Variants in POU6F2 observed in about 807,000 individuals in gnomAD.
POU6F2 encodes the protein POU class 6 homeobox 2.
Under a neutral mutation model 71.3 loss-of-function variants are expected in POU6F2, and 31 were observed. The ratio of observed to expected loss-of-function variants is 0.43; its 90% CI spans 0.33 to 0.59. POU6F2 has a LOEUF of 0.59. Among genes scored for constraint, POU6F2 ranks in the 20% least tolerant of loss-of-function variants. POU6F2 has a pLI of 0.04. For synonymous variants in POU6F2, 347 were observed against 355.7 expected (o/e 0.98, Z 0.27); for missense variants, 783 against 856.8 (o/e 0.91, Z 1.07).
chr7:39,238,408 C>T (rs537840132), intron 4 of POU6F2, among the ~76,000 whole-genome samples: 24 of 152,184 alleles, frequency 1.6e-4, no homozygotes, highest in African/African-American at 5.5e-4. Flanking sequence ...AGTCTGCCGG[C>T]GGAATCTCAT....
At chr7:39,052,003 C>T (rs548625677) in intron 1 of POU6F2, among the ~76,000 whole-genome samples, 9 of 152,242 alleles carry the variant, frequency 5.9e-5, no homozygotes, top group Non-Finnish European at 1.3e-4. Context: ...TGGCTAGGCC[C>T]TCTTCTACCG....
chr7:39,268,812 G>A (rs1222563024), intron 4 of POU6F2, among the ~76,000 whole-genome samples: 1 of 152,112 alleles, frequency 6.6e-6, no homozygotes, highest in African/African-American at 2.4e-5. Context: ...ATCAGGAGAG[G>A]GCTAAATTTT....
intron 2 of POU6F2, among the ~76,000 whole-genome samples, chr7:39,165,199 G>A (rs1793087842): frequency 1.3e-5 from 2 of 152,042 alleles, no homozygotes; most frequent in South Asian, 4.2e-4. Flanking sequence ...ACTCCCCCCA[G>A]CCCCTCATAA....
intron 2 of POU6F2, among the ~76,000 whole-genome samples, chr7:39,100,074 AAGTT>A (rs1457716220): frequency 6.6e-6 from 1 of 152,234 alleles, no homozygotes. Context: ...TTCTCTCAAA[AAGTT>A]AGTTATGTGT....
At chr7:39,440,321 G>A (rs1040266273) in intron 7 of POU6F2, among the ~76,000 whole-genome samples, 1 of 152,170 alleles carries the variant, frequency 6.6e-6, no homozygotes, top group South Asian at 2.1e-4. Flanking sequence ...TGGTACTCCA[G>A]TCAATCATAG....
chr7:39,024,301 C>T (rs570410425), intron 1 of POU6F2, among the ~76,000 whole-genome samples: 17 of 151,860 alleles, frequency 1.1e-4, no homozygotes, highest in Middle Eastern at 3.4e-3. Context: ...ATTTGGCTCT[C>T]TGTTTGTCTG....
At chr7:39,354,748 A>G (rs1166808118) in intron 5 of POU6F2, among the ~76,000 whole-genome samples, 15 of 152,248 alleles carry the variant, frequency 9.9e-5, no homozygotes, top group Admixed American at 9.8e-4. Context: ...AATTCTCAGA[A>G]GTTAGAATTT....
Position 39,096,659 on chromosome 7 carries a change from G to A in POU6F2, c.277+10628G>A, listed in dbSNP as rs141690931. Among the ~76,000 whole-genome samples the A allele has an allele frequency of 1.5e-3, 224 of 152,276 alleles. 1 individual carries two copies. Among genetic ancestry groups the A allele is most frequent in the African/African-American group, 4.9e-3 (205 of 41,564 alleles). On this transcript the variant is annotated intron_variant, in intron 2 of 9. Transcript: ENST00000518318. ...AAGTACAAAAATCTCATATTGATTT[G>A]TGTGATTAGAAGGCATTAAAATTGC...
At chr7:38,979,597 A>G (rs1416933699) in intron 1 of POU6F2, among the ~76,000 whole-genome samples, 1 of 152,190 alleles carries the variant, frequency 6.6e-6, no homozygotes, top group East Asian at 1.9e-4. Context: ...TACCTGTTTC[A>G]ATGTAAGTAC....
chr7:39,323,270 G>T (rs930341907), intron 4 of POU6F2, among the ~76,000 whole-genome samples: 1 of 152,154 alleles, frequency 6.6e-6, no homozygotes, highest in Non-Finnish European at 1.5e-5. Context: ...GGCTGCCATG[G>T]ATCCCAGCAA....
chr7:39,208,811 T>G (rs1794076683), intron 4 of POU6F2, among the ~76,000 whole-genome samples: 1 of 152,196 alleles, frequency 6.6e-6, no homozygotes, highest in African/African-American at 2.4e-5. Flanking sequence ...ATCTCAAGAT[T>G]AAGCAAATAA....
At chr7:39,308,448 G>T (rs541814220) in intron 4 of POU6F2, among the ~76,000 whole-genome samples, 2 of 152,274 alleles carry the variant, frequency 1.3e-5, no homozygotes, top group South Asian at 4.1e-4. Flanking sequence ...AGCTTCATCA[G>T]CTTCATGGTA....
intron 4 of POU6F2, among the ~76,000 whole-genome samples, chr7:39,252,546 TG>T (rs1219469073): frequency 6.6e-6 from 1 of 152,158 alleles, no homozygotes; most frequent in Non-Finnish European, 1.5e-5. Flanking sequence ...ACCCAAAGCA[TG>T]TTTGAGGGTT....
At chr7:39,451,401 T>G (rs1583615123) in intron 7 of POU6F2, 132 bp from the exon 8 acceptor site, 3 of 915,750 alleles carry the variant, frequency 3.3e-6, no homozygotes, top group South Asian at 3.7e-5. Context: ...CTGTGTAGGG[T>G]GCGCACTCTT....
chr7:39,243,519 AG>A (rs1783763211), intron 4 of POU6F2, among the ~76,000 whole-genome samples: 1 of 152,152 alleles, frequency 6.6e-6, no homozygotes, highest in African/African-American at 2.4e-5. Context: ...CCACTTCTGC[AG>A]AGCTAGAAGG....
intron 4 of POU6F2, among the ~76,000 whole-genome samples, chr7:39,253,093 A>G (rs1472576991): frequency 6.6e-6 from 1 of 152,176 alleles, no homozygotes; most frequent in Non-Finnish European, 1.5e-5. Context: ...GCTTGCTATT[A>G]TCCCTTCTCC....
chr7:39,464,452 C>T lies in POU6F2; in HGVS notation c.1929C>T (p.Phe643=), dbSNP rs767205294. 8 of 1,613,984 alleles carry T rather than the reference C, an allele frequency of 5.0e-6. No homozygotes were observed. In the South Asian group the frequency reaches 8.8e-5, roughly 18 times the overall value. Reference sequence around the variant, plus strand: ...AAAAGCGCAAGCGGCGCACCTCCTTCACACCCCAGGCCCTTGAGATCCTCA... The same window carrying T: ...AAAAGCGCAAGCGGCGCACCTCCTTTACACCCCAGGCCCTTGAGATCCTCA... ...PSKKRKRRTS[F]TPQALEILNA... Residue 643 remains phenylalanine, a synonymous_variant, in exon 10 of 10, where the codon TTC becomes TTT. Transcript: ENST00000518318. This position sits in a 1 kb window ranked among gnomAD's most constrained non-coding sequence, Gnocchi z 4.1.
intron 2 of POU6F2, among the ~76,000 whole-genome samples, chr7:39,150,114 A>C (rs964144195): frequency 2.6e-5 from 4 of 151,956 alleles, no homozygotes; most frequent in Non-Finnish European, 4.4e-5. Context: ...CTCAATCTCG[A>C]TCTCCTGACC....
chr7:39,246,773 A>T (rs1562761643), intron 4 of POU6F2, among the ~76,000 whole-genome samples: 2 of 147,928 alleles, frequency 1.4e-5, no homozygotes, highest in African/African-American at 5.0e-5. Flanking sequence ...GAACCAGGAC[A>T]TTTTTTTTTT....
Sources: gnomAD v4.1 joint callset for allele counts (sites outside exome capture counted in the v4.1 genomes callset) on GRCh38, gnomAD v4.1.1 for gene constraint, Gnocchi (gnomAD v3.1) non-coding constraint, MANE v1.5 for transcripts, NCBI Gene and HGNC (gene_info 2026-07-23, HGNC 2026-07-21) for gene names.